SH3BP4: variants seen among roughly 807,000 people sequenced by gnomAD.
SH3BP4 encodes SH3 domain-binding protein 4.
SH3BP4 carries 33 observed loss-of-function variants against 65.5 expected under a neutral mutation model. That is an observed-to-expected ratio of 0.50 (90% CI 0.38 to 0.67). The LOEUF (loss-of-function observed/expected upper bound fraction) is 0.67. SH3BP4 is among the 30% of genes least tolerant of loss of function. SH3BP4 has a pLI of 0.00. For synonymous variants in SH3BP4, 552 were observed against 545.5 expected (o/e 1.01, Z -0.17); for missense variants, 1,134 against 1,261.4 (o/e 0.90, Z 1.53).
chr2:234,982,377 C>A (rs568714720), intron 1 of SH3BP4, among the ~76,000 whole-genome samples: 1 of 152,052 alleles, frequency 6.6e-6, no homozygotes, highest in Non-Finnish European at 1.5e-5. Flanking sequence ...TTTATGGAGG[C>A]GGAATGGAGA....
chr2:234,959,737 C>T (rs1010904455), intron 1 of SH3BP4, among the ~76,000 whole-genome samples: 8 of 151,834 alleles, frequency 5.3e-5, no homozygotes, highest in African/African-American at 1.5e-4. Context: ...TTGCAACCTC[C>T]GCCTCCTGGG....
At chr2:235,037,159 G>T (rs1026443552) in intron 3 of SH3BP4, among the ~76,000 whole-genome samples, 7 of 152,194 alleles carry the variant, frequency 4.6e-5, no homozygotes, top group Admixed American at 4.6e-4. Flanking sequence ...CTAACACCCA[G>T]GGAGATTTTT....
At chr2:235,003,198 C>T (rs1694186821) in intron 2 of SH3BP4, among the ~76,000 whole-genome samples, 1 of 152,238 alleles carries the variant, frequency 6.6e-6, no homozygotes, top group South Asian at 2.1e-4. Flanking sequence ...GCCAGCGTGG[C>T]CCTGTCCTTT....
At chr2:235,029,700 C>T (rs1218569898) in intron 2 of SH3BP4, among the ~76,000 whole-genome samples, 1 of 152,224 alleles carries the variant, frequency 6.6e-6, no homozygotes, top group Non-Finnish European at 1.5e-5. Flanking sequence ...TTCGGGAGCT[C>T]ATTATAAAGT....
intron 2 of SH3BP4, among the ~76,000 whole-genome samples, chr2:235,005,895 A>C (rs760603976): frequency 6.6e-6 from 1 of 152,228 alleles, no homozygotes; most frequent in African/African-American, 2.4e-5. Flanking sequence ...TTGGGTCTAC[A>C]CACAGCCAAG....
chr2:234,987,812 A>C (rs1161713542), intron 1 of SH3BP4, among the ~76,000 whole-genome samples: 1 of 152,208 alleles, frequency 6.6e-6, no homozygotes, highest in Non-Finnish European at 1.5e-5. Context: ...GTCTAGAAGA[A>C]TCATTAAAAA....
At chr2:234,999,943 C>G (rs1490731100) in intron 2 of SH3BP4, among the ~76,000 whole-genome samples, 3 of 152,230 alleles carry the variant, frequency 2.0e-5, no homozygotes, top group South Asian at 2.1e-4. Flanking sequence ...AGGACCTGCC[C>G]TTGGGCTGCT....
chr2:235,034,295 T>C lies in SH3BP4; in HGVS notation c.-132-576T>C, dbSNP rs982955899. Among the ~76,000 whole-genome samples, 1 of 152,214 alleles carries C rather than the reference T, an allele frequency of 6.6e-6. No homozygotes were observed. Among genetic ancestry groups the C allele is most frequent in the African/African-American group, 2.4e-5 (1 of 41,466 alleles). Reference sequence around the variant, plus strand: ...CATACGTTGCATTGAGAATACCTTATGGCCGCTCTGTGTTGTGTTTAGAAT... The same window carrying C: ...CATACGTTGCATTGAGAATACCTTACGGCCGCTCTGTGTTGTGTTTAGAAT... On this transcript the variant is annotated intron_variant, in intron 2 of 5. Coordinates refer to ENST00000392011, the MANE Select transcript of SH3BP4 (RefSeq NM_014521.3). The surrounding 1 kb of genome is among the most constrained non-coding windows in gnomAD (Gnocchi z 6.2).
Position 234,988,288 on chromosome 2 carries a change from T to A in SH3BP4, c.-206-7015T>A, listed in dbSNP as rs184467096. Among the ~76,000 whole-genome samples the A allele has an allele frequency of 8.6e-3, 1,309 of 152,248 alleles. 60 individuals are homozygous for A. Among genetic ancestry groups the A allele is most frequent in the Admixed American group, 0.074 (1,137 of 15,278 alleles). On this transcript the variant is annotated intron_variant, in intron 1 of 5. Coordinates refer to ENST00000392011, the MANE Select transcript of SH3BP4 (RefSeq NM_014521.3). ...GTTAGCCAGGATAGTCTTGATCTCCTGACCTCATGATCTGCCCACCTTGGC... is the reference window on the plus strand; with the variant it reads ...GTTAGCCAGGATAGTCTTGATCTCCAGACCTCATGATCTGCCCACCTTGGC...
intron 1 of SH3BP4, among the ~76,000 whole-genome samples, chr2:234,968,494 A>C (rs1692897387): frequency 6.6e-6 from 1 of 150,442 alleles, no homozygotes; most frequent in African/African-American, 2.5e-5. Context: ...ATTTATTGAA[A>C]TTTTCTTTGG....
At chr2:235,038,685 C>T (rs1695539059) in intron 3 of SH3BP4, among the ~76,000 whole-genome samples, 1 of 151,866 alleles carries the variant, frequency 6.6e-6, no homozygotes, top group Non-Finnish European at 1.5e-5. Context: ...CTGGGCATTG[C>T]AGATTCCCTG....
At chr2:234,972,029 A>G (rs962331034) in intron 1 of SH3BP4, among the ~76,000 whole-genome samples, 1 of 150,660 alleles carries the variant, frequency 6.6e-6, no homozygotes, top group Non-Finnish European at 1.5e-5. Context: ...GTTGGCCAGG[A>G]TGGTCTCCAT....
At position 235,046,105 on chromosome 2, in the gene SH3BP4, G is replaced by A. The variant is rs1002724006; in HGVS notation, c.2478+2858G>A. On this transcript the variant is annotated intron_variant, in intron 4 of 5. Transcript: ENST00000392011. This position sits in a 1 kb window ranked among gnomAD's most constrained non-coding sequence, Gnocchi z 4.2. ...TGCCCTGAACACACCCAGCTCGCCC[G>A]GCCTCCAGCTCCTGCAGATGCTATG... is the stretch of plus-strand genomic sequence containing the variant. Among the ~76,000 whole-genome samples the A allele has an allele frequency of 9.9e-5, 15 of 152,228 alleles. No individual in the cohort carries two copies. Among genetic ancestry groups the A allele is most frequent in the African/African-American group, 3.1e-4 (13 of 41,548 alleles).
At chr2:235,049,029 A>G (rs542169809) in intron 4 of SH3BP4, among the ~76,000 whole-genome samples, 2 of 152,346 alleles carry the variant, frequency 1.3e-5, no homozygotes, top group South Asian at 4.1e-4. Context: ...AAAAATATGC[A>G]TCAGTTATGC....
At chr2:235,028,492 C>T (rs1410857177) in intron 2 of SH3BP4, among the ~76,000 whole-genome samples, 8 of 152,198 alleles carry the variant, frequency 5.3e-5, no homozygotes, top group Non-Finnish European at 1.2e-4. Context: ...CATTTGGCTC[C>T]CTTAAAGATT....
At chr2:235,019,917 A>G (rs1041393227) in intron 2 of SH3BP4, among the ~76,000 whole-genome samples, 1 of 151,986 alleles carries the variant, frequency 6.6e-6, no homozygotes, top group Admixed American at 6.6e-5. Flanking sequence ...AGACAAAAGC[A>G]AGTTACATGT....
rs1353737054 is a variant in SH3BP4 at position 235,052,418 on chromosome 2, T to G, written c.2479-144T>G. 6.5e-6 allele frequency: 4 copies of G among 615,198 alleles called. No homozygotes were observed. The highest frequency in any genetic ancestry group is 8.1e-6 in the Non-Finnish European group (3 of 368,530). 38.1% of individuals were successfully genotyped at this position (615,198 alleles called of 1,614,324 possible). ...CCGTGAATCCTGGCAGTGATCGATTTCAGGGGACATTTGGTAGTAGGCCAG... is the reference window on the plus strand; with the variant it reads ...CCGTGAATCCTGGCAGTGATCGATTGCAGGGGACATTTGGTAGTAGGCCAG... On this transcript the variant is annotated intron_variant, in intron 4 of 5. Coordinates refer to ENST00000392011, the MANE Select transcript of SH3BP4 (RefSeq NM_014521.3). This position sits in a 1 kb window ranked among gnomAD's most constrained non-coding sequence, Gnocchi z 5.0.
chr2:235,032,155 A>C (rs1355863058), intron 2 of SH3BP4, among the ~76,000 whole-genome samples: 1 of 152,112 alleles, frequency 6.6e-6, no homozygotes, highest in African/African-American at 2.4e-5. Flanking sequence ...CCAGAGCCTC[A>C]CCCGGCGCAG....
intron 4 of SH3BP4, among the ~76,000 whole-genome samples, chr2:235,049,174 A>G (rs1695968331): frequency 6.6e-6 from 1 of 152,102 alleles, no homozygotes; most frequent in South Asian, 2.1e-4. Context: ...TCTGGGATCC[A>G]TGGAAATGGG....
Sources: gnomAD v4.1 joint callset for allele counts (sites outside exome capture counted in the v4.1 genomes callset) on GRCh38, gnomAD v4.1.1 for gene constraint, Gnocchi (gnomAD v3.1) non-coding constraint, MANE v1.5 for transcripts, NCBI Gene and HGNC (gene_info 2026-07-23, HGNC 2026-07-21) for gene names.